The following PBX1 variants were observed in gnomAD, a reference collection of about 807,000 sequenced individuals.
PBX1 encodes the protein PBX homeobox 1, also known as pre-B-cell leukemia transcription factor 1.
In PBX1, 6 loss-of-function variants were observed where a neutral mutation model predicts 53.4. That is an observed-to-expected ratio of 0.11 (90% CI 0.06 to 0.22). The LOEUF (loss-of-function observed/expected upper bound fraction) is 0.22, where lower values mean the gene tolerates loss of function less well. Among genes scored for constraint, PBX1 ranks in the 10% least tolerant of loss-of-function variants. The pLI is 1.00. For synonymous variants in PBX1, 204 were observed against 212.3 expected (o/e 0.96, Z 0.34); for missense variants, 251 against 551.4 (o/e 0.46, Z 5.46).
chr1:164,882,503 G>C (rs1177644604), intron 2 of PBX1, among the ~76,000 whole-genome samples: 1 of 152,194 alleles, frequency 6.6e-6, no homozygotes, highest in East Asian at 1.9e-4. Context: ...TATCAAATGT[G>C]AAAAGTCTAT....
At chr1:164,782,261 C>T (rs1325126232) in intron 2 of PBX1, among the ~76,000 whole-genome samples, 3 of 152,270 alleles carry the variant, frequency 2.0e-5, no homozygotes, top group African/African-American at 7.2e-5. Flanking sequence ...TTGCCCTACT[C>T]TAGGCTACTG....
intron 2 of PBX1, among the ~76,000 whole-genome samples, chr1:164,634,847 C>T (rs1485503516): frequency 1.3e-5 from 2 of 151,872 alleles, no homozygotes; most frequent in Non-Finnish European, 2.9e-5. Flanking sequence ...GAGGGTGGGG[C>T]CTTTTGGAGA....
intron 2 of PBX1, among the ~76,000 whole-genome samples, chr1:164,735,129 T>G (rs1486962258): frequency 6.6e-6 from 1 of 152,254 alleles, no homozygotes; most frequent in Admixed American, 6.5e-5. Flanking sequence ...TGTAAATGTA[T>G]TCATACTTTT....
intron 2 of PBX1, among the ~76,000 whole-genome samples, chr1:164,754,460 G>T (rs955277712): frequency 8.5e-5 from 13 of 152,118 alleles, no homozygotes; most frequent in African/African-American, 3.1e-4. Flanking sequence ...GTTATTAATT[G>T]AATACTCTCT....
rs375506788 is a variant in PBX1, at chr1:164,799,722, C to T, written c.534C>T (p.His178=). ...YEQACNEFTT[H]VMNLLREQSR... ...AGGCCTGCAACGAGTTCACCACCCA[C>T]GTGATGAATCTCCTGCGAGAGCAAA... Residue 178 remains histidine, a synonymous_variant, in exon 4 of 9, where the codon CAC becomes CAT. Transcript: ENST00000420696. 1.9e-5 allele frequency: 31 copies of T among 1,613,532 alleles called. No individual in the cohort carries two copies. In the African/African-American group the frequency reaches 3.1e-4, roughly 16 times the overall value.
At chr1:164,819,353 A>C in intron 6 of PBX1, 1 of 152,080 alleles carries the variant, frequency 6.6e-6, no homozygotes, top group East Asian at 1.9e-4. Flanking sequence ...GCGATGTTTC[A>C]TATTTTATGC....
intron 2 of PBX1, among the ~76,000 whole-genome samples, chr1:164,644,565 T>G (rs78761124): frequency 8.1e-6 from 1 of 124,078 alleles, no homozygotes; most frequent in East Asian, 2.7e-4. Context: ...TCAGCTTTTG[T>G]TTTTTTTTTT....
At chr1:164,819,560 A>G (rs1442950234) in intron 6 of PBX1, 1 of 152,602 alleles carries the variant, frequency 6.6e-6, no homozygotes, top group Non-Finnish European at 1.5e-5. Context: ...AGTAGGTGAC[A>G]TTGCCTTCAT....
rs865981020 is a variant in PBX1 at position 164,667,695 on chromosome 1, C to T, written c.265+104384C>T. Among the ~76,000 whole-genome samples the T allele has an allele frequency of 2.0e-5, 3 of 152,242 alleles. No individual in the cohort carries two copies. In the Middle Eastern group the frequency reaches 0.01, roughly 518 times the overall value. ...CCACAAATCTACAGGATGTAATCAG[C>T]TGTAATTTTGCCGAGACAACGCATT... On this transcript the variant is annotated intron_variant, in intron 2 of 8. Transcript: ENST00000420696.
At chr1:164,630,969 A>G (rs1484181982) in intron 2 of PBX1, 3 of 152,218 alleles carry the variant, frequency 2.0e-5, no homozygotes, top group East Asian at 3.9e-4. Context: ...GCAAGATGTC[A>G]CTGGCAGAGT....
intron 2 of PBX1, among the ~76,000 whole-genome samples, chr1:164,776,203 AG>A (rs1411956628): frequency 6.6e-6 from 1 of 152,166 alleles, no homozygotes; most frequent in African/African-American, 2.4e-5. Flanking sequence ...ATAAATTGTT[AG>A]GTATTTATCA....
chr1:164,753,911 G>A (rs1331005797), intron 2 of PBX1, among the ~76,000 whole-genome samples: 1 of 152,230 alleles, frequency 6.6e-6, no homozygotes, highest in Non-Finnish European at 1.5e-5. Flanking sequence ...GAAGGTGGCA[G>A]GAGTAGCCGT....
At chr1:164,699,976 A>T (rs1382838063) in intron 2 of PBX1, among the ~76,000 whole-genome samples, 2 of 152,218 alleles carry the variant, frequency 1.3e-5, no homozygotes, top group East Asian at 3.8e-4. Context: ...ATAGAGGCGA[A>T]GGAGGGGACT....
At chr1:164,682,117 GTCTT>G (rs1317753425) in intron 2 of PBX1, 2 of 152,154 alleles carry the variant, frequency 1.3e-5, no homozygotes, top group East Asian at 3.8e-4. Flanking sequence ...ATAATTACAC[GTCTT>G]TCTTACAGAT....
chr1:164,844,154 A>T, intron 8 of PBX1, among the ~76,000 whole-genome samples: 1 of 122,984 alleles, frequency 8.1e-6, no homozygotes, highest in Non-Finnish European at 1.7e-5. Context: ...ACTCTACTTC[A>T]TGACATTGTA....
intron 2 of PBX1, among the ~76,000 whole-genome samples, chr1:164,727,677 C>T (rs370283846): frequency 6.6e-6 from 1 of 152,186 alleles, no homozygotes; most frequent in Non-Finnish European, 1.5e-5. Context: ...TGGGAAGTGG[C>T]GGCCACTGCC....
intron 8 of PBX1, among the ~76,000 whole-genome samples, chr1:164,843,510 GGT>G (rs146342156): frequency 1.3e-5 from 2 of 151,570 alleles, no homozygotes; most frequent in African/African-American, 2.4e-5. Flanking sequence ...AATCTGAGGG[GGT>G]GTGTGTGTGT....
chr1:164,754,073 T>G (rs1025886840), intron 2 of PBX1, among the ~76,000 whole-genome samples: 1 of 152,108 alleles, frequency 6.6e-6, no homozygotes, highest in Non-Finnish European at 1.5e-5. Context: ...TCGGCAAAGG[T>G]GGACTGAGCA....
At chr1:164,612,341 A>T (rs1656988408) in intron 2 of PBX1, among the ~76,000 whole-genome samples, 1 of 152,148 alleles carries the variant, frequency 6.6e-6, no homozygotes, top group Non-Finnish European at 1.5e-5. Context: ...GCCATTGAGC[A>T]GCTGCAACGG....
Sources: gnomAD v4.1 joint callset for allele counts (sites outside exome capture counted in the v4.1 genomes callset) on GRCh38, gnomAD v4.1.1 for gene constraint, MANE v1.5 for transcripts, NCBI Gene and HGNC (gene_info 2026-07-23, HGNC 2026-07-21) for gene names.